STARD9: variants seen among roughly 807,000 people sequenced by gnomAD.
The protein encoded by STARD9 is stAR-related lipid transfer protein 9.
In STARD9, 346 loss-of-function variants were observed where a neutral mutation model predicts 399.8. The ratio of observed to expected loss-of-function variants is 0.87; its 90% CI spans 0.79 to 0.95. The LOEUF is 0.95. Ranked by LOEUF, STARD9 falls within the 40% of genes least tolerant of loss-of-function variation. The pLI is 0.00. For missense variants in STARD9, 5,832 were observed against 5,667.5 expected (o/e 1.03, Z -0.93); for synonymous variants, 2,203 against 2,143.5 (o/e 1.03, Z -0.77).
chr15:42,681,428 G>T lies in STARD9; in HGVS notation c.1881G>T (p.Ala627=). The part of the protein sequence containing the change: ...LSPLLWKERR[A]LEEQCDEDHQ... ...TCAGCCGCTTCTGTGACAGGAGAGC[G>T]CTTGAAGAGCAATGTGACGAGGACC... Residue 627 remains alanine (A), a synonymous_variant, in exon 21 of 33, where the codon GCG becomes GCT. Coordinates refer to ENST00000290607, the MANE Select transcript of STARD9 (RefSeq NM_020759.3). 6.5e-7 allele frequency: 1 copy of T among 1,535,528 alleles called. No homozygotes were observed. The highest frequency in any genetic ancestry group is 8.7e-7 in the Non-Finnish European group (1 of 1,146,342).
rs563687014 is a variant in STARD9, at chr15:42,662,941, T to C, written c.868+50T>C. On this transcript the variant is annotated intron_variant, in intron 11 of 32. Transcript: ENST00000290607. Reference sequence around the variant, plus strand: ...TGGGAGGGAGAGTTCGGAAAATAACTCATGTTTTCATTTTGTCGCAATAGG... The same window carrying C: ...TGGGAGGGAGAGTTCGGAAAATAACCCATGTTTTCATTTTGTCGCAATAGG... 28 of 1,306,104 alleles carry C rather than the reference T, an allele frequency of 2.1e-5. No individual in the cohort carries two copies. The African/African-American group carries it at 3.5e-4, about 16-fold the overall frequency. The allele number at this position is 1,306,104 out of a possible 1,614,324, so 80.9% of individuals were successfully genotyped here.
Position 42,684,826 on chromosome 15 carries a change from TCA to T in STARD9, c.3251_3252del (p.Thr1084ArgfsTer15), listed in dbSNP as rs2060511133. 1 of 1,537,160 alleles carries T rather than the reference TCA, an allele frequency of 6.5e-7. No individual in the cohort carries two copies. Among genetic ancestry groups the T allele is most frequent in the African/African-American group, 1.4e-5 (1 of 73,172 alleles). ...AGGGACCCAGACACCATGGTCCCAC[TCA>T]CAGATTTCAGCCCAGTAATGGATCA... On this transcript the variant is annotated frameshift_variant, in exon 23 of 33. Coordinates refer to ENST00000290607, the MANE Select transcript of STARD9 (RefSeq NM_020759.3). LOFTEE classifies it high-confidence loss of function.
chr15:42,656,327 TAAAAAAAAAAAAAAAAAA>T (rs869264641), intron 9 of STARD9, among the ~76,000 whole-genome samples: 95 of 35,334 alleles, frequency 2.7e-3, no homozygotes, highest in African/African-American at 3.4e-3. Flanking sequence ...AGCCATCTCC[TAAAAAAAAAAAAAAAAAA>T]AAAAAAAAAA....
In STARD9 at chr15:42,682,088, T is replaced by A; in HGVS notation, c.2066-16T>A. On this transcript the variant is annotated splice_polypyrimidine_tract_variant and intron_variant, in intron 21 of 32. Coordinates refer to ENST00000290607, the MANE Select transcript of STARD9 (RefSeq NM_020759.3). ...AGGAGATGCTGAAATTCTCTCTGGGTGTTTTTGGTTCCCAGACCAGCAGTG... is the reference window on the plus strand; with the variant it reads ...AGGAGATGCTGAAATTCTCTCTGGGAGTTTTTGGTTCCCAGACCAGCAGTG... 1 of 1,496,450 alleles carries A rather than the reference T, an allele frequency of 6.7e-7. No individual in the cohort carries two copies. Among genetic ancestry groups the A allele is most frequent in the Non-Finnish European group, 9.0e-7 (1 of 1,114,132 alleles). The allele number at this position is 1,496,450 out of a possible 1,614,324, so 92.7% of individuals were successfully genotyped here.
At position 42,688,189 on chromosome 15, in the gene STARD9, A is replaced by T; in HGVS notation, c.6611A>T (p.Lys2204Ile). The T allele has an allele frequency of 6.5e-7, 1 of 1,537,578 alleles. No individual in the cohort carries two copies. The highest frequency in any genetic ancestry group is 8.7e-7 in the Non-Finnish European group (1 of 1,147,006). ...ACTTCTCTTCACCCACAGAGAATGA[A>T]AGCATTGGCTAGAGCTCTGCCATTG... ...TNTSLHPQRMKALARALPLQP... is the reference protein window; with the variant it reads ...TNTSLHPQRMIALARALPLQP... Residue 2204 changes from lysine to isoleucine, a missense_variant, in exon 23 of 33, where the codon AAA becomes ATA. By Grantham distance (102) the Lys-to-Ile change is moderately radical. Transcript: ENST00000290607.
chr15:42,654,390 A>G (rs916413970), intron 9 of STARD9, among the ~76,000 whole-genome samples: 22 of 152,160 alleles, frequency 1.4e-4, no homozygotes, highest in Non-Finnish European at 4.4e-5. Context: ...AAGGATGGAA[A>G]AAGATATACC....
intron 3 of STARD9, among the ~76,000 whole-genome samples, chr15:42,592,731 A>C (rs2058426390): frequency 6.6e-6 from 1 of 152,208 alleles, no homozygotes; most frequent in Non-Finnish European, 1.5e-5. Flanking sequence ...GGCGTGAGCC[A>C]CCACACCCAG....
intron 6 of STARD9, 47 bp downstream of exon 6, chr15:42,638,134 T>G: frequency 6.7e-7 from 1 of 1,485,610 alleles, no homozygotes; most frequent in Non-Finnish European, 9.1e-7. Flanking sequence ...CTTCTTCTAC[T>G]CCAAATTCTA....
At chr15:42,612,855 A>G (rs1362074575) in intron 3 of STARD9, among the ~76,000 whole-genome samples, 6 of 152,114 alleles carry the variant, frequency 3.9e-5, no homozygotes, top group Non-Finnish European at 8.8e-5. Flanking sequence ...GTGGTTGCAC[A>G]TGCCTGTAAT....
chr15:42,716,981 T>G lies in STARD9; in HGVS notation c.13427T>G (p.Leu4476Trp). 1 of 1,537,216 alleles carries G rather than the reference T, an allele frequency of 6.5e-7. No individual in the cohort carries two copies. The highest frequency in any genetic ancestry group is 8.7e-7 in the Non-Finnish European group (1 of 1,146,896). Reference protein sequence around the residue: ...CCCSPSSLSSLGTCFSSSYQD... With the variant: ...CCCSPSSLSSWGTCFSSSYQD... ...TGTTCACCATCCAGTCTGTCCAGCT[T>G]GGGGACCTGCTTTTCCTCCTCCTAC... The change falls in exon 28 of 33, where the codon TTG becomes TGG. Residue 4476 changes from leucine (L) to tryptophan (W), a missense_variant. By Grantham distance (61) the Leu-to-Trp change is moderately conservative. This residue lies in a region of STARD9 where 5,828 missense variants were observed against 5,651.1 expected (regional missense o/e 1.03). Transcript: ENST00000290607.
intron 15 of STARD9, among the ~76,000 whole-genome samples, chr15:42,667,748 G>A (rs1008043234): frequency 6.6e-6 from 1 of 152,126 alleles, no homozygotes; most frequent in African/African-American, 2.4e-5. Flanking sequence ...CAAAGTGCTG[G>A]GATTACAGGC....
chr15:42,609,655 G>C (rs1233256767), intron 3 of STARD9, among the ~76,000 whole-genome samples: 1 of 151,912 alleles, frequency 6.6e-6, no homozygotes, highest in African/African-American at 2.4e-5. Flanking sequence ...GGCCAGGCTA[G>C]TCTTGAACTC....
chr15:42,681,234 C>G (rs773607812), intron 20 of STARD9, among the ~76,000 whole-genome samples, 188 bp from the exon 21 acceptor site: 3 of 152,180 alleles, frequency 2.0e-5, no homozygotes, highest in Non-Finnish European at 2.9e-5. Flanking sequence ...ACCATTCTCC[C>G]CTCCTGCACT....
At chr15:42,704,027 C>T (rs1442863975) in intron 26 of STARD9, among the ~76,000 whole-genome samples, 5 of 152,146 alleles carry the variant, frequency 3.3e-5, no homozygotes, top group Non-Finnish European at 2.9e-5. Flanking sequence ...CCTGCCTCAG[C>T]CTCCCGAGTA....
At chr15:42,621,856 T>C (rs1049615083) in intron 3 of STARD9, among the ~76,000 whole-genome samples, 1 of 152,232 alleles carries the variant, frequency 6.6e-6, no homozygotes, top group Non-Finnish European at 1.5e-5. Flanking sequence ...GGGTGCTAGA[T>C]GTGATCATTT....
At chr15:42,652,432 C>A (rs761360444) in intron 8 of STARD9, 88 bp from the exon 9 acceptor site, 1 of 1,116,268 alleles carries the variant, frequency 9.0e-7, no homozygotes, top group Non-Finnish European at 1.3e-6. Flanking sequence ...AACCTCAGCA[C>A]TAACATTTCT....
chr15:42,674,995 A>G (rs964733366), intron 18 of STARD9, 31 bp downstream of exon 18: 3 of 1,490,150 alleles, frequency 2.0e-6, no homozygotes, highest in African/African-American at 2.8e-5. Context: ...GTTTATCCCA[A>G]GATGAGTGAT....
chr15:42,686,522 T>C lies in STARD9; in HGVS notation c.4944T>C (p.Asp1648=), dbSNP rs1248615543. 1 of 1,537,592 alleles carries C rather than the reference T, an allele frequency of 6.5e-7. No homozygotes were observed. The highest frequency in any genetic ancestry group is 1.2e-5 in the South Asian group (1 of 84,048). The change falls in exon 23 of 33, where the codon GAT becomes GAC. Residue 1648 remains aspartate (D), a synonymous_variant. Transcript: ENST00000290607. The stretch of plus-strand genomic sequence containing the variant: ...GACTGATGACTTCCTCTGATGAGGA[T>C]TTTTTCCAGAAGAACGCTTGTCACA... ...KPGLMTSSDE[D]FFQKNACHSN... is the part of the protein sequence containing the mutation.
chr15:42,658,153 A>AT (rs1013286511), intron 9 of STARD9, among the ~76,000 whole-genome samples: 9 of 151,330 alleles, frequency 5.9e-5, no homozygotes, highest in African/African-American at 1.2e-4. Context: ...TACTTTTATA[A>AT]TTTTTTTTTG....
Sources: allele counts gnomAD v4.1 joint callset (sites outside exome capture counted in the v4.1 genomes callset), GRCh38; gene constraint gnomAD v4.1.1; regional missense constraint gnomAD v4.1.1; transcripts MANE v1.5; gene names NCBI Gene and HGNC (gene_info 2026-07-23, HGNC 2026-07-21).